The following SLC31A1 variants were observed in gnomAD, a reference collection of about 807,000 sequenced individuals.
The protein encoded by SLC31A1 is high affinity copper uptake protein 1.
A neutral mutation model predicts 17.2 loss-of-function variants in SLC31A1; 5 were observed. That is an observed-to-expected ratio of 0.29 (90% CI 0.15 to 0.61). The LOEUF is 0.61. Among genes scored for constraint, SLC31A1 ranks in the 20% least tolerant of loss-of-function variants. SLC31A1 has a pLI of 0.86. For missense variants in SLC31A1, 161 were observed against 241.4 expected (o/e 0.67, Z 2.21); for synonymous variants, 76 against 78.8 (o/e 0.96, Z 0.19).
At chr9:113,243,380 C>A (rs1831541238) in intron 1 of SLC31A1, among the ~76,000 whole-genome samples, 1 of 152,168 alleles carries the variant, frequency 6.6e-6, no homozygotes, top group African/African-American at 2.4e-5. Context: ...TAATAGCCTT[C>A]AATGGCTGTA....
rs147390706 is a variant in SLC31A1, at chr9:113,249,425, G to A, written c.-35-6689G>A. ...CTCATTGCCCAGGCTGGAGTGCAAT[G>A]GCAGGACCTTCCCTCACTGCAACCC... On this transcript the variant is annotated intron_variant, in intron 1 of 4. Transcript: ENST00000374212. Among the ~76,000 whole-genome samples the A allele has an allele frequency of 3.2e-4, 48 of 151,000 alleles. 1 individual carries two copies. In the East Asian group the frequency reaches 8.7e-3, roughly 28 times the overall value.
At chr9:113,251,395 C>CT (rs1831650472) in intron 1 of SLC31A1, among the ~76,000 whole-genome samples, 1 of 151,770 alleles carries the variant, frequency 6.6e-6, no homozygotes, top group Admixed American at 6.6e-5. Flanking sequence ...GCACTCTAGC[C>CT]TGGGTGACAG....
intron 1 of SLC31A1, among the ~76,000 whole-genome samples, chr9:113,246,929 C>T (rs932412836): frequency 2.6e-5 from 4 of 151,962 alleles, no homozygotes; most frequent in South Asian, 2.1e-4. Context: ...CGTGAGCCAC[C>T]GCACCCGACC....
chr9:113,231,545 C>T (rs1187541879), intron 1 of SLC31A1, among the ~76,000 whole-genome samples: 3 of 146,706 alleles, frequency 2.0e-5, no homozygotes, highest in Non-Finnish European at 4.5e-5. Flanking sequence ...GCCGGGACAA[C>T]AGAATATGAT....
intron 1 of SLC31A1, among the ~76,000 whole-genome samples, chr9:113,248,099 A>C (rs1831603173): frequency 6.6e-6 from 1 of 152,134 alleles, no homozygotes; most frequent in Non-Finnish European, 1.5e-5. Flanking sequence ...CAGGCAGATC[A>C]CCTGAGGTCA....
At position 113,258,939 on chromosome 9, in the gene SLC31A1, C is replaced by T. The variant is rs1386618621; in HGVS notation, c.371+77C>T. 2.1e-6 allele frequency: 3 copies of T among 1,439,510 alleles called. No individual in the cohort carries two copies. Among genetic ancestry groups the T allele is most frequent in the Non-Finnish European group, 2.9e-6 (3 of 1,022,518 alleles). 89.2% of individuals were successfully genotyped at this position (1,439,510 alleles called of 1,614,324 possible). On this transcript the variant is annotated intron_variant, in intron 4 of 4. Transcript: ENST00000374212. The surrounding 1 kb of genome is among the most constrained non-coding windows in gnomAD (Gnocchi z 4.8). ...CAGCAAAGCGCAGCTGTGTGATCAG[C>T]AGCAGCCCTCTTCTTGAGTTAGGAG...
In SLC31A1 at chr9:113,258,310, T is replaced by C. The variant is rs1197038936; in HGVS notation, c.203-384T>C. ...CCAACACTTCACAGTGTGAAAGACT[T>C]AGAATTGAAATGCCTATTCAGGAAA... On this transcript the variant is annotated intron_variant, in intron 3 of 4. Coordinates refer to ENST00000374212, the MANE Select transcript of SLC31A1 (RefSeq NM_001859.4). The surrounding 1 kb of genome is among the most constrained non-coding windows in gnomAD (Gnocchi z 4.8). 6.6e-6 allele frequency among the ~76,000 whole-genome samples: 1 copy of C among 152,194 alleles called. No homozygotes were observed. Among genetic ancestry groups the C allele is most frequent in the Non-Finnish European group, 1.5e-5 (1 of 68,036 alleles).
chr9:113,224,376 T>C (rs1413960757), intron 1 of SLC31A1, among the ~76,000 whole-genome samples: 5 of 152,206 alleles, frequency 3.3e-5, no homozygotes, highest in Non-Finnish European at 7.3e-5. Context: ...CTTCCAGACT[T>C]TTCTGTTGTC....
chr9:113,247,476 A>C (rs1831594263), intron 1 of SLC31A1, among the ~76,000 whole-genome samples: 1 of 152,146 alleles, frequency 6.6e-6, no homozygotes, highest in South Asian at 2.1e-4. Context: ...TGTACCATAG[A>C]AATAAGGCCA....
At position 113,263,638 on chromosome 9, in the gene SLC31A1, C is replaced by T. The variant is rs1190642785; in HGVS notation, c.*3165C>T. ...ACAGTGCTATGCTGTGGATATAATA[C>T]CAACCAGAAATTGGCATTTATAAAC... On this transcript the variant is annotated 3_prime_UTR_variant, in exon 5 of 5. Coordinates refer to ENST00000374212, the MANE Select transcript of SLC31A1 (RefSeq NM_001859.4). 1 of 152,546 alleles carries T rather than the reference C, an allele frequency of 6.6e-6. No homozygotes were observed. Among genetic ancestry groups the T allele is most frequent in the African/African-American group, 2.4e-5 (1 of 41,396 alleles). 9.4% of individuals were successfully genotyped at this position (152,546 alleles called of 1,614,324 possible).
chr9:113,250,981 C>T (rs1831645000), intron 1 of SLC31A1, among the ~76,000 whole-genome samples: 1 of 152,102 alleles, frequency 6.6e-6, no homozygotes. Flanking sequence ...TGCCAGAAGC[C>T]CCAAAGATGC....
chr9:113,247,567 T>C (rs947964703), intron 1 of SLC31A1, among the ~76,000 whole-genome samples: 4 of 152,224 alleles, frequency 2.6e-5, no homozygotes, highest in African/African-American at 9.6e-5. Context: ...TAAATTCATA[T>C]GTATTTTTGT....
chr9:113,254,769 T>C (rs765902792), intron 1 of SLC31A1, among the ~76,000 whole-genome samples: 1 of 152,072 alleles, frequency 6.6e-6, no homozygotes, highest in Non-Finnish European at 1.5e-5. Flanking sequence ...TGTGGTAGCA[T>C]GCACCTGTAA....
chr9:113,241,123 G>A (rs142650777), intron 1 of SLC31A1, among the ~76,000 whole-genome samples: 137 of 152,078 alleles, frequency 9.0e-4, no homozygotes, highest in African/African-American at 3.0e-3. Flanking sequence ...AATGTGAAGC[G>A]GAGTAGATTG....
intron 2 of SLC31A1, among the ~76,000 whole-genome samples, chr9:113,256,776 G>T (rs192063827): frequency 6.6e-6 from 1 of 151,550 alleles, no homozygotes; most frequent in Admixed American, 6.6e-5. Flanking sequence ...CAGGAGAATC[G>T]CTTGAACCCA....
intron 1 of SLC31A1, among the ~76,000 whole-genome samples, chr9:113,222,152 C>T (rs1288961575): frequency 2.0e-5 from 3 of 152,176 alleles, no homozygotes; most frequent in Admixed American, 6.5e-5. Context: ...CCCTTAAGCA[C>T]TGTGTGCCCT....
intron 1 of SLC31A1, among the ~76,000 whole-genome samples, chr9:113,251,421 AAAAAAATAAAAAAT>A (rs1295731215): frequency 7.4e-6 from 1 of 134,326 alleles, no homozygotes; most frequent in South Asian, 2.3e-4. Flanking sequence ...GACTCTATCT[AAAAAAATAAAAAAT>A]AAAAAATAAA....
intron 1 of SLC31A1, among the ~76,000 whole-genome samples, chr9:113,238,155 A>G (rs1831483882): frequency 1.3e-5 from 2 of 152,230 alleles, no homozygotes; most frequent in African/African-American, 4.8e-5. Flanking sequence ...ATTGAAATTC[A>G]GAGTATGAAA....
intron 1 of SLC31A1, among the ~76,000 whole-genome samples, chr9:113,252,618 GTTATC>G (rs1831667829): frequency 6.6e-6 from 1 of 152,214 alleles, no homozygotes; most frequent in Non-Finnish European, 1.5e-5. Flanking sequence ...TCCTCTACAT[GTTATC>G]TTATATCTCA....
Sources: allele counts gnomAD v4.1 joint callset (sites outside exome capture counted in the v4.1 genomes callset), GRCh38; gene constraint gnomAD v4.1.1; non-coding constraint Gnocchi (gnomAD v3.1); transcripts MANE v1.5; gene names NCBI Gene and HGNC (gene_info 2026-07-23, HGNC 2026-07-21).